The following LRRC4C variants were observed in gnomAD, a reference collection of about 807,000 sequenced individuals.
LRRC4C encodes leucine-rich repeat-containing protein 4C.
Under a neutral mutation model 33.6 loss-of-function variants are expected in LRRC4C, and 5 were observed. The ratio of observed to expected loss-of-function variants is 0.15; its 90% CI spans 0.08 to 0.31. The LOEUF (loss-of-function observed/expected upper bound fraction) is 0.31, where lower values mean the gene tolerates loss of function less well. LRRC4C is among the 10% of genes least tolerant of loss of function. The pLI is 1.00. For synonymous variants in LRRC4C, 329 were observed against 302.0 expected, an observed-to-expected ratio of 1.09 and a Z score of -0.93; for missense variants, 560 against 796.7, an observed-to-expected ratio of 0.70 and a Z score of 3.58.
intron 1 of LRRC4C, among the ~76,000 whole-genome samples, chr11:41,224,583 A>AT (rs1947447572): frequency 6.6e-6 from 1 of 152,188 alleles, no homozygotes; most frequent in Non-Finnish European, 1.5e-5. Flanking sequence ...AGAACTTAGA[A>AT]AAGACATTTG....
chr11:40,860,589 C>T (rs1490570406), intron 2 of LRRC4C, among the ~76,000 whole-genome samples: 1 of 152,042 alleles, frequency 6.6e-6, no homozygotes, highest in Non-Finnish European at 1.5e-5. Context: ...ACTTTGTTGT[C>T]ACGGGGTGTA....
chr11:41,041,673 A>G (rs1207584976), intron 1 of LRRC4C, among the ~76,000 whole-genome samples: 1 of 152,178 alleles, frequency 6.6e-6, no homozygotes, highest in African/African-American at 2.4e-5. Context: ...TCATACACAT[A>G]TATAAACATA....
Position 40,737,797 on chromosome 11 carries a change from A to G in LRRC4C, c.-406-89519T>C, listed in dbSNP as rs1947959706. 2.0e-5 allele frequency among the ~76,000 whole-genome samples: 3 copies of G among 152,158 alleles called. No individual in the cohort carries two copies. The South Asian group carries it at 6.2e-4, about 31-fold the overall frequency. The stretch of plus-strand genomic sequence containing the variant: ...TACTGTGAAAATGGTCATACTGCCC[A>G]AAGTAATTTATAGATTTAATGCTAT... On this transcript the variant is annotated intron_variant, in intron 2 of 6. Coordinates refer to ENST00000528697, the MANE Select transcript of LRRC4C (RefSeq NM_001258419.2).
At chr11:40,792,385 T>G (rs1013734409) in intron 2 of LRRC4C, among the ~76,000 whole-genome samples, 1 of 152,144 alleles carries the variant, frequency 6.6e-6, no homozygotes, top group East Asian at 1.9e-4. Context: ...TGAAAATAAA[T>G]AGACTTTTTG....
chr11:40,809,514 C>T (rs575564696), intron 2 of LRRC4C, among the ~76,000 whole-genome samples: 1 of 152,240 alleles, frequency 6.6e-6, no homozygotes, highest in South Asian at 2.1e-4. Flanking sequence ...CTATATCCCT[C>T]CCCTGCTGCA....
intron 1 of LRRC4C, among the ~76,000 whole-genome samples, chr11:41,188,429 G>T (rs1945792007): frequency 6.6e-6 from 1 of 152,120 alleles, no homozygotes. Context: ...GAGGTAGCCA[G>T]AATGGAGCCT....
chr11:40,768,545 A>C (rs1172278484), intron 2 of LRRC4C, among the ~76,000 whole-genome samples: 8 of 152,074 alleles, frequency 5.3e-5, no homozygotes. Context: ...CCACAAAAAG[A>C]AACAGGCCAA....
chr11:40,762,386 G>A (rs559662562), intron 2 of LRRC4C, among the ~76,000 whole-genome samples: 1 of 152,024 alleles, frequency 6.6e-6, no homozygotes, highest in Non-Finnish European at 1.5e-5. Flanking sequence ...CACTCATCTG[G>A]CAAATCAGAG....
At chr11:40,839,939 A>T (rs1952840818) in intron 2 of LRRC4C, among the ~76,000 whole-genome samples, 1 of 152,190 alleles carries the variant, frequency 6.6e-6, no homozygotes, top group Non-Finnish European at 1.5e-5. Context: ...GACTAGGTAG[A>T]GAAATATCCT....
intron 1 of LRRC4C, among the ~76,000 whole-genome samples, chr11:41,163,607 T>C (rs1472585151): frequency 6.7e-6 from 1 of 148,744 alleles, no homozygotes; most frequent in Non-Finnish European, 1.5e-5. Flanking sequence ...ATTTTTACTT[T>C]AAAAACTGTT....
At position 41,220,616 on chromosome 11, in the gene LRRC4C, A is replaced by G. The variant is rs545940513; in HGVS notation, c.-496+238815T>C. On this transcript the variant is annotated intron_variant, in intron 1 of 6. Coordinates refer to ENST00000528697, the MANE Select transcript of LRRC4C (RefSeq NM_001258419.2). ...CACAAGATTTTAAAGAATTTTACTT[A>G]GAATATATTGTCTATTTCACTGAGA... Among the ~76,000 whole-genome samples, 3 of 152,206 alleles carry G rather than the reference A, an allele frequency of 2.0e-5. No individual in the cohort carries two copies. In the South Asian group the frequency reaches 6.2e-4, roughly 32 times the overall value.
At chr11:41,193,262 T>G (rs1946039215) in intron 1 of LRRC4C, among the ~76,000 whole-genome samples, 1 of 152,166 alleles carries the variant, frequency 6.6e-6, no homozygotes, top group Non-Finnish European at 1.5e-5. Context: ...TTAAAGTTTT[T>G]CTTGATAATG....
chr11:40,504,260 G>T (rs1204820124), intron 3 of LRRC4C, among the ~76,000 whole-genome samples: 2 of 152,042 alleles, frequency 1.3e-5, no homozygotes, highest in Non-Finnish European at 2.9e-5. Context: ...CTGAATGAAA[G>T]AATATAACTT....
intron 1 of LRRC4C, among the ~76,000 whole-genome samples, chr11:41,210,769 T>C (rs1946790696): frequency 6.6e-6 from 1 of 152,198 alleles, no homozygotes; most frequent in Non-Finnish European, 1.5e-5. Flanking sequence ...CTTCACAGTT[T>C]ATCATTCACA....
chr11:40,823,272 G>A (rs911392804), intron 2 of LRRC4C, among the ~76,000 whole-genome samples: 7 of 151,610 alleles, frequency 4.6e-5, no homozygotes, highest in Non-Finnish European at 7.4e-5. Flanking sequence ...TGGGTTGGGT[G>A]AATGTCCTTA....
At chr11:41,220,531 C>T (rs542077696) in intron 1 of LRRC4C, among the ~76,000 whole-genome samples, 42 of 92,168 alleles carry the variant, frequency 4.6e-4, no homozygotes, top group African/African-American at 1.6e-3. Flanking sequence ...AACACACAGA[C>T]ATACACACAC....
chr11:40,669,161 C>G (rs1168996414), intron 2 of LRRC4C, among the ~76,000 whole-genome samples: 2 of 152,154 alleles, frequency 1.3e-5, no homozygotes, highest in Non-Finnish European at 2.9e-5. Flanking sequence ...AATGAATGGG[C>G]CCCTTCTCCT....
intron 5 of LRRC4C, among the ~76,000 whole-genome samples, chr11:40,181,357 A>G (rs1860988844): frequency 6.6e-6 from 1 of 152,234 alleles, no homozygotes; most frequent in Non-Finnish European, 1.5e-5. Context: ...CTTTGTCTCC[A>G]GTGAGTATGA....
At chr11:40,713,055 A>ATT (rs34787819) in intron 2 of LRRC4C, among the ~76,000 whole-genome samples, 2 of 136,926 alleles carry the variant, frequency 1.5e-5, no homozygotes, top group Admixed American at 7.4e-5. Flanking sequence ...TGCCTGGCTA[A>ATT]TTTTTTTTTT....
Sources: gnomAD v4.1 joint callset for allele counts (sites outside exome capture counted in the v4.1 genomes callset) on GRCh38, gnomAD v4.1.1 for gene constraint, MANE v1.5 for transcripts, NCBI Gene and HGNC (gene_info 2026-07-23, HGNC 2026-07-21) for gene names.